The following EPN2 variants were observed in gnomAD, a reference collection of about 807,000 sequenced individuals.
The protein encoded by EPN2 is epsin 2, also known as epsin-2.
EPN2 carries 34 observed loss-of-function variants against 61.7 expected under a neutral mutation model. That is an observed-to-expected ratio of 0.55 (90% CI 0.42 to 0.73). EPN2 has a LOEUF of 0.73. EPN2 is among the 30% of genes least tolerant of loss of function. EPN2 has a pLI of 0.00. For missense variants in EPN2, 714 were observed against 839.2 expected (o/e 0.85, Z 1.84); for synonymous variants, 349 against 353.6 (o/e 0.99, Z 0.15).
intron 4 of EPN2, among the ~76,000 whole-genome samples, chr17:19,288,302 G>C (rs993989368): frequency 5.3e-5 from 8 of 152,226 alleles, no homozygotes; most frequent in African/African-American, 1.9e-4. Context: ...TGGGGCACCA[G>C]GCACTGAGCA....
At chr17:19,308,338 T>G in intron 4 of EPN2, 1 of 977,398 alleles carries the variant, frequency 1.0e-6, no homozygotes, top group Non-Finnish European at 1.2e-6. Flanking sequence ...CCTCCCAAAG[T>G]GCTAGGATTA....
chr17:19,257,752 A>G (rs1036355499), intron 1 of EPN2, among the ~76,000 whole-genome samples: 2 of 152,088 alleles, frequency 1.3e-5, no homozygotes, highest in Non-Finnish European at 2.9e-5. Context: ...TCTTGACTTC[A>G]GGTGATCCAC....
intron 7 of EPN2, among the ~76,000 whole-genome samples, chr17:19,317,825 C>CATT (rs1906459782): frequency 6.6e-6 from 1 of 152,186 alleles, no homozygotes; most frequent in Non-Finnish European, 1.5e-5. Context: ...GGAGCATGCC[C>CATT]ATTGCCTCCC....
chr17:19,253,464 G>T (rs1402061580), intron 1 of EPN2, among the ~76,000 whole-genome samples: 1 of 147,634 alleles, frequency 6.8e-6, no homozygotes, highest in African/African-American at 2.5e-5. Context: ...ACCCAGGCTG[G>T]AGTGCAGTGG....
intron 1 of EPN2, among the ~76,000 whole-genome samples, chr17:19,247,438 C>G (rs1197245592): frequency 1.3e-5 from 2 of 152,206 alleles, no homozygotes; most frequent in African/African-American, 4.8e-5. Context: ...GTCAGGGAAG[C>G]TATCAGGAGA....
chr17:19,268,303 G>A (rs2045220372), intron 1 of EPN2, among the ~76,000 whole-genome samples: 1 of 152,202 alleles, frequency 6.6e-6, no homozygotes, highest in Non-Finnish European at 1.5e-5. Flanking sequence ...ATGGGGATCT[G>A]GTCACACAGT....
intron 4 of EPN2, chr17:19,296,751 G>A (rs982936718): frequency 6.6e-6 from 1 of 152,178 alleles, no homozygotes; most frequent in African/African-American, 2.4e-5. Context: ...TGGAAGTACA[G>A]GCGCACACCA....
At chr17:19,240,099 A>G (rs905717676) in intron 1 of EPN2, among the ~76,000 whole-genome samples, 1 of 151,916 alleles carries the variant, frequency 6.6e-6, no homozygotes, top group African/African-American at 2.4e-5. Context: ...GTACATTAAA[A>G]TTTTCTAAGT....
chr17:19,253,802 G>A (rs1212403760), intron 1 of EPN2, among the ~76,000 whole-genome samples: 3 of 152,158 alleles, frequency 2.0e-5, no homozygotes, highest in Non-Finnish European at 4.4e-5. Context: ...GCAAGACAGT[G>A]ATCTGCTCTT....
intron 1 of EPN2, among the ~76,000 whole-genome samples, chr17:19,271,159 G>C (rs2045248997): frequency 1.3e-5 from 2 of 152,158 alleles, no homozygotes; most frequent in African/African-American, 4.8e-5. Flanking sequence ...TTGGTCTCAG[G>C]GGGGTGGTGT....
intron 4 of EPN2, among the ~76,000 whole-genome samples, chr17:19,303,514 C>T (rs1473065997): frequency 6.6e-6 from 1 of 152,162 alleles, no homozygotes; most frequent in Non-Finnish European, 1.5e-5. Context: ...CTGGCCCTCA[C>T]CCTGAGCTTC....
At chr17:19,309,142 C>CT (rs1196924683) in intron 4 of EPN2, among the ~76,000 whole-genome samples, 7,319 of 131,630 alleles carry the variant, frequency 0.056, 275 homozygotes, top group East Asian at 0.11. Flanking sequence ...AAGGTCAACT[C>CT]TTTTTTTTTT....
chr17:19,313,330 G>A (rs769594203), intron 7 of EPN2, 51 bp downstream of exon 7: 15 of 1,471,904 alleles, frequency 1.0e-5, no homozygotes, highest in Non-Finnish European at 1.3e-5. Flanking sequence ...ATGGGTGAGG[G>A]GCAGGGCAGT....
rs2045391194 is a variant in EPN2, at chr17:19,285,020, AT to A, written c.596-599del. ...GCAGGGTTAAATTGCACCAAAACAA[AT>A]GAAGATTGCCCTTTAAGAAGTGAAA... On this transcript the variant is annotated intron_variant, in intron 3 of 10. Transcript: ENST00000314728. This position sits in a 1 kb window ranked among gnomAD's most constrained non-coding sequence, Gnocchi z 4.5. Among the ~76,000 whole-genome samples the A allele has an allele frequency of 6.6e-6, 1 of 152,238 alleles. No homozygotes were observed. The highest frequency in any genetic ancestry group is 2.1e-4 in the South Asian group (1 of 4,834).
chr17:19,333,110 T>C (rs546955532), intron 10 of EPN2, among the ~76,000 whole-genome samples: 117 of 152,246 alleles, frequency 7.7e-4, no homozygotes, highest in African/African-American at 2.6e-3. Flanking sequence ...TGGGTGGAAC[T>C]AGATTAGTTT....
At position 19,307,977 on chromosome 17, in the gene EPN2, A is replaced by G. The variant is rs184387014; in HGVS notation, c.767-1908A>G. 6.4e-5 allele frequency: 63 copies of G among 985,290 alleles called. No individual in the cohort carries two copies. The African/African-American group carries it at 8.7e-4, about 14-fold the overall frequency. The allele number at this position is 985,290 out of a possible 1,614,324, so 61.0% of individuals were successfully genotyped here. On this transcript the variant is annotated intron_variant, in intron 4 of 10. Coordinates refer to ENST00000314728, the MANE Select transcript of EPN2 (RefSeq NM_014964.5). ...CCTAAGAAGCAAATTTAGATTGGAA[A>G]GTAAGGCAGAAGCAACACCTAGGTG...
intron 1 of EPN2, among the ~76,000 whole-genome samples, chr17:19,250,397 A>G (rs924922044): frequency 5.3e-5 from 8 of 152,120 alleles, no homozygotes; most frequent in Admixed American, 2.6e-4. Flanking sequence ...TGCCCTGCCT[A>G]GAAACTTAAA....
chr17:19,293,534 C>CT lies in EPN2; in HGVS notation c.766+7769dup, dbSNP rs71155390. ...TACAGGTGCATGCCACCATACCCAGCTTTTTTTTTTTTTTTTTTTTTTTTT... is the reference window on the plus strand; with the variant it reads ...TACAGGTGCATGCCACCATACCCAGCTTTTTTTTTTTTTTTTTTTTTTTTTT... On this transcript the variant is annotated intron_variant, in intron 4 of 10. Coordinates refer to ENST00000314728, the MANE Select transcript of EPN2 (RefSeq NM_014964.5). Among the ~76,000 whole-genome samples the CT allele has an allele frequency of 4.9e-3, 255 of 52,478 alleles. 7 individuals are homozygous for CT. In the East Asian group the frequency reaches 0.065, roughly 13 times the overall value. The allele number at this position is 52,478 out of a possible 152,430, so 34.4% of individuals were successfully genotyped here. A position where few individuals can be genotyped will look rare whatever the true frequency, so the allele number is the denominator to read the frequency against.
Position 19,283,289 on chromosome 17 carries a change from T to C in EPN2, c.170T>C (p.Met57Thr), listed in dbSNP as rs1407952622. Residue 57 changes from methionine (M) to threonine (T), a missense_variant, in exon 3 of 11, where the codon ATG (methionine) becomes ACG (threonine). Physicochemically the swap from Met to Thr is moderately conservative, Grantham distance 81. Around this residue, in one of 2 missense-constraint regions of EPN2, gnomAD observed 304 missense variants for 417.4 expected, o/e 0.73. Transcript: ENST00000314728. This position sits in a 1 kb window ranked among gnomAD's most constrained non-coding sequence, Gnocchi z 7.0. ...AACGTGGTGGCCTTCTCGGAGATCA[T>C]GAGCATGGTGTGGAAGCGGCTGAAT... ...TYNVVAFSEIMSMVWKRLNDH... is the reference protein window; with the variant it reads ...TYNVVAFSEITSMVWKRLNDH... 3.1e-6 allele frequency: 5 copies of C among 1,613,884 alleles called. No homozygotes were observed. Among genetic ancestry groups the C allele is most frequent in the Non-Finnish European group, 4.2e-6 (5 of 1,179,998 alleles).
Sources: allele counts gnomAD v4.1 joint callset (sites outside exome capture counted in the v4.1 genomes callset), GRCh38; gene constraint gnomAD v4.1.1; regional missense constraint gnomAD v4.1.1; non-coding constraint Gnocchi (gnomAD v3.1); transcripts MANE v1.5; gene names NCBI Gene and HGNC (gene_info 2026-07-23, HGNC 2026-07-21).